Variants in TPD52L2 observed in about 807,000 individuals in gnomAD.
The protein encoded by TPD52L2 is tumor protein D54.
In TPD52L2, 19 loss-of-function variants were observed where a neutral mutation model predicts 24.7. The ratio of observed to expected loss-of-function variants is 0.77; its 90% CI spans 0.54 to 1.13. The LOEUF is 1.13. Among genes scored for constraint, TPD52L2 ranks in the 50% most tolerant of loss-of-function variants. The pLI is 0.00. For missense variants in TPD52L2, 236 were observed against 250.4 expected (o/e 0.94, Z 0.39); for synonymous variants, 104 against 100.2 (o/e 1.04, Z -0.23).
chr20:63,883,081 C>A (rs1600826553), intron 5 of TPD52L2, among the ~76,000 whole-genome samples: 1 of 152,188 alleles, frequency 6.6e-6, no homozygotes, highest in Non-Finnish European at 1.5e-5. Flanking sequence ...TTGTGGTGCT[C>A]GGGGTTGGTG....
At chr20:63,873,911 G>A (rs1600799426) in intron 3 of TPD52L2, 95 bp downstream of exon 3, 3 of 1,362,316 alleles carry the variant, frequency 2.2e-6, no homozygotes, top group Non-Finnish European at 2.9e-6. Context: ...GCCCAGGGAC[G>A]AGTTGCAGCC....
intron 2 of TPD52L2, among the ~76,000 whole-genome samples, chr20:63,872,673 C>A (rs1203851619): frequency 6.6e-6 from 1 of 151,618 alleles, no homozygotes; most frequent in Non-Finnish European, 1.5e-5. Context: ...CCACTGTGCC[C>A]GGCCAGGGTC....
Position 63,865,283 on chromosome 20 carries a change from A to AG in TPD52L2, c.-82dup, listed in dbSNP as rs1189116388. 1 of 1,436,432 alleles carries AG rather than the reference A, an allele frequency of 7.0e-7. No individual in the cohort carries two copies. Among genetic ancestry groups the AG allele is most frequent in the African/African-American group, 1.5e-5 (1 of 68,228 alleles). The allele number at this position is 1,436,432 out of a possible 1,614,324, so 89.0% of individuals were successfully genotyped here. A position where few individuals can be genotyped will look rare whatever the true frequency, so the allele number is the denominator to read the frequency against. On this transcript the variant is annotated 5_prime_UTR_variant, in exon 1 of 7. Coordinates refer to ENST00000346249, the MANE Select transcript of TPD52L2 (RefSeq NM_003288.4). ...CGGAGCTGAGGCAGTTCCGCTGGCT[A>AG]GTGTGTACGCGGCGAGCTTCTCCCG...
At chr20:63,874,228 T>TG (rs1555872901) in intron 3 of TPD52L2, among the ~76,000 whole-genome samples, 2,137 of 139,980 alleles carry the variant, frequency 0.015, 43 homozygotes, top group East Asian at 0.085. Flanking sequence ...ATTTTTTTTT[T>TG]TGTGTGTGTG....
chr20:63,867,195 C>G (rs369421428), intron 1 of TPD52L2, among the ~76,000 whole-genome samples: 1 of 152,174 alleles, frequency 6.6e-6, no homozygotes, highest in East Asian at 1.9e-4. Context: ...CTCAGGTGAT[C>G]TGCCCGCCTT....
At chr20:63,889,506 CCCCACTGCCCTTCCTGG>C (rs2053255877) in intron 6 of TPD52L2, among the ~76,000 whole-genome samples, 1 of 131,878 alleles carries the variant, frequency 7.6e-6, no homozygotes, top group African/African-American at 2.8e-5. Context: ...CCTTCCTGGT[CCCCACTGCCCTTCCTGG>C]TACCTTCTTG....
At chr20:63,873,625 C>T (rs756188219) in intron 2 of TPD52L2, 43 bp from the exon 3 acceptor site, 23 of 1,603,512 alleles carry the variant, frequency 1.4e-5, no homozygotes, top group Admixed American at 3.4e-5. Context: ...TAGTCACTTC[C>T]TGCAGTAGTG....
chr20:63,881,986 A>G (rs900523712), intron 4 of TPD52L2, among the ~76,000 whole-genome samples: 2 of 152,198 alleles, frequency 1.3e-5, no homozygotes, highest in Non-Finnish European at 2.9e-5. Flanking sequence ...GGATGTACCC[A>G]TGTGGGTGGA....
chr20:63,874,363 CTTTT>C (rs369640456), intron 3 of TPD52L2, among the ~76,000 whole-genome samples: 2 of 133,358 alleles, frequency 1.5e-5, no homozygotes, highest in African/African-American at 5.6e-5. Flanking sequence ...CCACGCTGGC[CTTTT>C]TTTTTTTTTT....
Position 63,874,228 on chromosome 20 carries a change from T to TGTG in TPD52L2, c.314+412_314+413insGTG, listed in dbSNP as rs1555872901. ...CACCGCGCCCGGCTGATTTTTTTTT[T>TGTG]TGTGTGTGTGTGTGTGTGTGTGTGT... On this transcript the variant is annotated intron_variant, in intron 3 of 6. Coordinates refer to ENST00000346249, the MANE Select transcript of TPD52L2 (RefSeq NM_003288.4). Among the ~76,000 whole-genome samples, 200 of 140,008 alleles carry TGTG rather than the reference T, an allele frequency of 1.4e-3. 1 individual carries two copies. The highest frequency in any genetic ancestry group is 8.9e-3 in the East Asian group (41 of 4,598). The allele number at this position is 140,008 out of a possible 152,430, so 91.9% of individuals were successfully genotyped here.
At chr20:63,886,496 G>T (rs1568960498) in intron 5 of TPD52L2, among the ~76,000 whole-genome samples, 1 of 152,016 alleles carries the variant, frequency 6.6e-6, no homozygotes, top group African/African-American at 2.4e-5. Context: ...CGAGTAGCTG[G>T]GACTACAGGC....
At chr20:63,874,710 A>G (rs1410923823) in intron 3 of TPD52L2, among the ~76,000 whole-genome samples, 1 of 151,232 alleles carries the variant, frequency 6.6e-6, no homozygotes, top group Non-Finnish European at 1.5e-5. Flanking sequence ...CACACTGGCT[A>G]GTTGTCCTGG....
At chr20:63,872,589 G>T (rs182976155) in intron 2 of TPD52L2, among the ~76,000 whole-genome samples, 1 of 152,070 alleles carries the variant, frequency 6.6e-6, no homozygotes, top group Non-Finnish European at 1.5e-5. Context: ...TGTTGGCCAG[G>T]CTGGTCTCAA....
intron 2 of TPD52L2, among the ~76,000 whole-genome samples, chr20:63,871,025 T>C (rs1025599910): frequency 1.3e-5 from 2 of 149,720 alleles, no homozygotes; most frequent in Non-Finnish European, 3.0e-5. Flanking sequence ...CCCTACAAGG[T>C]GAAGTTCTGT....
At chr20:63,883,688 C>G (rs1037752692) in intron 5 of TPD52L2, among the ~76,000 whole-genome samples, 2 of 152,138 alleles carry the variant, frequency 1.3e-5, no homozygotes, top group Non-Finnish European at 2.9e-5. Flanking sequence ...CTGACCCAAT[C>G]CTGGCAAAGA....
At chr20:63,873,955 A>G (rs1483676624) in intron 3 of TPD52L2, 139 bp downstream of exon 3, 1 of 1,011,474 alleles carries the variant, frequency 9.9e-7, no homozygotes, top group Admixed American at 3.9e-5. Context: ...AAGGATCCAG[A>G]GAGAGGCTCT....
rs150455275 is a variant in TPD52L2 at position 63,890,356 on chromosome 20, C to T, written c.*411C>T. 8.4e-5 allele frequency: 19 copies of T among 226,320 alleles called. No individual in the cohort carries two copies. Among genetic ancestry groups the T allele is most frequent in the African/African-American group, 4.3e-4 (19 of 44,226 alleles). 14.0% of individuals were successfully genotyped at this position (226,320 alleles called of 1,614,324 possible). On this transcript the variant is annotated 3_prime_UTR_variant, in exon 7 of 7. Transcript: ENST00000346249. ...TTCCTCCTCCTCCTTCCCTGACTCA[C>T]AGAAGGAATGCAATCACCCAGCAAG...
chr20:63,865,531 C>T (rs1478137910), intron 1 of TPD52L2, 147 bp downstream of exon 1: 3 of 1,108,004 alleles, frequency 2.7e-6, no homozygotes, highest in Non-Finnish European at 3.7e-6. Context: ...GGGCCACTGA[C>T]CTCGAAGCTT....
Position 63,890,023 on chromosome 20 carries a change from C to T in TPD52L2, c.*78C>T, listed in dbSNP as rs923117124. 5.0e-6 allele frequency: 8 copies of T among 1,593,242 alleles called. No homozygotes were observed. The highest frequency in any genetic ancestry group is 6.8e-6 in the Non-Finnish European group (8 of 1,170,996). ...ACAGCCGCAGCTCTGTTCAGCGGAG[C>T]AGCCAGCCAGGGCGGATGAGCAGAG... On this transcript the variant is annotated 3_prime_UTR_variant, in exon 7 of 7. Coordinates refer to ENST00000346249, the MANE Select transcript of TPD52L2 (RefSeq NM_003288.4).
Sources: gnomAD v4.1 joint callset for allele counts (sites outside exome capture counted in the v4.1 genomes callset) on GRCh38, gnomAD v4.1.1 for gene constraint, MANE v1.5 for transcripts, NCBI Gene and HGNC (gene_info 2026-07-23, HGNC 2026-07-21) for gene names.